The following JAG1 variants were observed in gnomAD, a reference collection of about 807,000 sequenced individuals.
JAG1 encodes protein jagged-1.
Under a neutral mutation model 148.7 loss-of-function variants are expected in JAG1, and 23 were observed. That is an observed-to-expected ratio of 0.15 (90% confidence interval 0.11 to 0.22). The LOEUF is 0.22. Among genes scored for constraint, JAG1 ranks in the 10% least tolerant of loss-of-function variants. JAG1 has a pLI of 1.00. For missense variants in JAG1, 1,054 were observed against 1,611.2 expected, an observed-to-expected ratio of 0.65 and a Z score of 5.92; for synonymous variants, 572 against 598.3, an observed-to-expected ratio of 0.96 and a Z score of 0.64.
chr20:10,642,866 A>C (rs1600180074), intron 20 of JAG1, among the ~76,000 whole-genome samples: 1 of 152,338 alleles, frequency 6.6e-6, no homozygotes, highest in East Asian at 1.9e-4. Flanking sequence ...TTGACAGTGC[A>C]ATTTACAGCA....
chr20:10,665,739 C>T (rs150014918), intron 2 of JAG1, among the ~76,000 whole-genome samples: 354 of 152,204 alleles, frequency 2.3e-3, no homozygotes, highest in Non-Finnish European at 3.4e-3. Flanking sequence ...GCATTGATAC[C>T]AGGAGTTTTG....
rs544485171 is a variant in JAG1 at position 10,652,281 on chromosome 20, A to G, written c.887-31T>C. The G allele has an allele frequency of 3.1e-6, 5 of 1,613,332 alleles. No homozygotes were observed. The African/African-American group carries it at 6.7e-5, about 22-fold the overall frequency. On this transcript the variant is annotated intron_variant, in intron 6 of 25. Transcript: ENST00000254958. ...AAAAAGATCCTGGAGTCACTAAGAGACGCCTGTGAAGATGGCGAACCCACC... is the reference window on the plus strand; with the variant it reads ...AAAAAGATCCTGGAGTCACTAAGAGGCGCCTGTGAAGATGGCGAACCCACC...
chr20:10,673,165 G>GAAAA lies in JAG1; in HGVS notation c.82-160_82-159insTTTT. 1 of 585,086 alleles carries GAAAA rather than the reference G, an allele frequency of 1.7e-6. No homozygotes were observed. The highest frequency in any genetic ancestry group is 2.8e-6 in the Non-Finnish European group (1 of 352,752). 36.2% of individuals were successfully genotyped at this position (585,086 alleles called of 1,614,324 possible). On this transcript the variant is annotated intron_variant, in intron 1 of 25. Coordinates refer to ENST00000254958, the MANE Select transcript of JAG1 (RefSeq NM_000214.3). This position sits in a 1 kb window ranked among gnomAD's most constrained non-coding sequence, Gnocchi z 4.7. ...TTCAAGGACTCAACATGATTCCGGG[G>GAAAA]CAAAAAAAAAAAAAAATGCACGAGT...
chr20:10,639,408 A>C lies in JAG1; in HGVS notation c.*90T>G. ...TAAATTAACACAGGGATTCTAAGTC[A>C]GCAACGGCCTCAGACTCGAGTATGA... On this transcript the variant is annotated 3_prime_UTR_variant, in exon 26 of 26. Transcript: ENST00000254958. The C allele has an allele frequency of 8.6e-7, 1 of 1,158,772 alleles. No homozygotes were observed. Among genetic ancestry groups the C allele is most frequent in the South Asian group, 1.2e-5 (1 of 81,410 alleles). The allele number at this position is 1,158,772 out of a possible 1,614,324, so 71.8% of individuals were successfully genotyped here.
At chr20:10,650,887 T>C (rs1219980779) in intron 8 of JAG1, 1 of 166,246 alleles carries the variant, frequency 6.0e-6, no homozygotes, top group Non-Finnish European at 1.3e-5. Flanking sequence ...AGATGGGAAT[T>C]GCTACTGTGC....
chr20:10,673,139 G>T lies in JAG1; in HGVS notation c.82-133C>A. On this transcript the variant is annotated intron_variant, in intron 1 of 25. Transcript: ENST00000254958. The surrounding 1 kb of genome is among the most constrained non-coding windows in gnomAD (Gnocchi z 4.7). ...AGTGAAAATAATTTTGCGAAACTAC[G>T]TTCAAGGACTCAACATGATTCCGGG... The T allele has an allele frequency of 1.3e-6, 1 of 798,418 alleles. No individual in the cohort carries two copies. 49.5% of individuals were successfully genotyped at this position (798,418 alleles called of 1,614,324 possible).
intron 3 of JAG1, among the ~76,000 whole-genome samples, chr20:10,662,957 AC>A (rs2067427239): frequency 6.6e-6 from 1 of 152,236 alleles, no homozygotes; most frequent in Non-Finnish European, 1.5e-5. Flanking sequence ...TAAGCCAGCC[AC>A]AGGTGGAAGC....
intron 21 of JAG1, 44 bp from the exon 22 acceptor site, chr20:10,641,936 G>A (rs746081549): frequency 3.8e-5 from 49 of 1,285,924 alleles, no homozygotes; most frequent in South Asian, 3.8e-4. Context: ...TCTGTGAACC[G>A]GATCGGGGTT....
chr20:10,646,871 C>T, intron 14 of JAG1, 68 bp downstream of exon 14: 1 of 1,490,180 alleles, frequency 6.7e-7, no homozygotes, highest in Non-Finnish European at 9.4e-7. Flanking sequence ...CAGGGTGGGC[C>T]AGGGGCAGAG....
Position 10,673,206 on chromosome 20 carries a change from C to A in JAG1, c.82-200G>T, listed in dbSNP as rs1390084935. On this transcript the variant is annotated intron_variant, in intron 1 of 25. Transcript: ENST00000254958. This position sits in a 1 kb window ranked among gnomAD's most constrained non-coding sequence, Gnocchi z 4.7. ...ATGCACGAGTGCGGAAGAAATCCGA[C>A]GACTTCCCGGGGGGCAACAGCGGAG... Among the ~76,000 whole-genome samples the A allele has an allele frequency of 6.6e-6, 1 of 150,850 alleles. No homozygotes were observed. Among genetic ancestry groups the A allele is most frequent in the Non-Finnish European group, 1.5e-5 (1 of 67,852 alleles).
intron 4 of JAG1, among the ~76,000 whole-genome samples, chr20:10,657,938 T>A (rs2067389152): frequency 6.6e-6 from 1 of 152,124 alleles, no homozygotes; most frequent in Non-Finnish European, 1.5e-5. Context: ...CCTGTCTGGA[T>A]CTATTTTGGG....
intron 14 of JAG1, chr20:10,646,331 G>A: frequency 5.9e-6 from 3 of 505,958 alleles, no homozygotes; most frequent in South Asian, 4.1e-5. Flanking sequence ...AAGTGGGGAA[G>A]AAACTCCTAC....
chr20:10,645,586 G>T lies in JAG1; in HGVS notation c.2000-117C>A. The T allele has an allele frequency of 2.4e-6, 2 of 825,422 alleles. No homozygotes were observed. The highest frequency in any genetic ancestry group is 4.1e-6 in the Non-Finnish European group (2 of 489,208). 51.1% of individuals were successfully genotyped at this position (825,422 alleles called of 1,614,324 possible). A position where few individuals can be genotyped will look rare whatever the true frequency, so the allele number is the denominator to read the frequency against. On this transcript the variant is annotated intron_variant, in intron 15 of 25. Coordinates refer to ENST00000254958, the MANE Select transcript of JAG1 (RefSeq NM_000214.3). The surrounding 1 kb of genome is among the most constrained non-coding windows in gnomAD (Gnocchi z 6.1). ...ACATCCTATTCTGAGAACAGCCACA[G>T]TCGTAGTACTTTAACACAATCAGGC...
At chr20:10,647,463 C>T (rs2067316996) in intron 13 of JAG1, among the ~76,000 whole-genome samples, 1 of 152,258 alleles carries the variant, frequency 6.6e-6, no homozygotes. Flanking sequence ...CAAGGACAAT[C>T]TTATAGAAGC....
intron 21 of JAG1, 139 bp downstream of exon 21, chr20:10,642,349 T>G (rs1287078441): frequency 2.9e-6 from 2 of 698,918 alleles, no homozygotes; most frequent in African/African-American, 3.5e-5. Flanking sequence ...GGAAGACTCT[T>G]CACGTTCCCT....
intron 24 of JAG1, 32 bp from the exon 25 acceptor site, chr20:10,640,965 G>A: frequency 2.5e-6 from 4 of 1,613,658 alleles, no homozygotes; most frequent in Non-Finnish European, 3.4e-6. Flanking sequence ...TTGAGAGTCA[G>A]AGGAATACTC....
rs1176258300 is a variant in JAG1 at position 10,639,932 on chromosome 20, A to G, written c.3223T>C (p.Ser1075Pro). The G allele has an allele frequency of 6.2e-7, 1 of 1,614,210 alleles. No individual in the cohort carries two copies. Among genetic ancestry groups the G allele is most frequent in the Non-Finnish European group, 8.5e-7 (1 of 1,180,026 alleles). Residue 1075 changes from serine (S) to proline (P), a missense_variant, in exon 26 of 26, where the codon TCT becomes CCT. By Grantham distance (74) the Ser-to-Pro change is moderately conservative (BLOSUM62 -1). Transcript: ENST00000254958. The part of the protein sequence containing the change: ...RTDFLVPLLS[S>P]VLTVAWICCL... The stretch of plus-strand genomic sequence containing the variant: ...CAGATCCAAGCCACAGTTAAGACAG[A>G]GCTCAGCAAGGGAACAAGGAAATCT...
chr20:10,666,857 C>T (rs1395158868), intron 2 of JAG1, among the ~76,000 whole-genome samples: 2 of 152,194 alleles, frequency 1.3e-5, no homozygotes, highest in African/African-American at 2.4e-5. Flanking sequence ...AGAGTCCTGG[C>T]ATCAAAGCCC....
In JAG1 at chr20:10,640,815, C is replaced by A; in HGVS notation, c.3167G>T (p.Arg1056Ile). The A allele has an allele frequency of 1.9e-6, 3 of 1,614,214 alleles. No homozygotes were observed. The highest frequency in any genetic ancestry group is 2.5e-6 in the Non-Finnish European group (3 of 1,180,044). Residue 1056 changes from arginine (R) to isoleucine (I), a missense_variant, in exon 25 of 26, where the codon AGA becomes ATA. Physicochemically the swap from Arg to Ile is moderately conservative, Grantham distance 97 (BLOSUM62 -3). Coordinates refer to ENST00000254958, the MANE Select transcript of JAG1 (RefSeq NM_000214.3). Reference sequence around the variant, plus strand: ...GTTCTTCAGAGGCCGCCTCTGAACTCTTACTTCTGCAACGGCAGCAATCAG... The same window carrying A: ...GTTCTTCAGAGGCCGCCTCTGAACTATTACTTCTGCAACGGCAGCAATCAG... ...SSLIAAVAEV[R>I]VQRRPLKNRT...
Sources: gnomAD v4.1 joint callset for allele counts (sites outside exome capture counted in the v4.1 genomes callset) on GRCh38, gnomAD v4.1.1 for gene constraint, Gnocchi (gnomAD v3.1) non-coding constraint, MANE v1.5 for transcripts, NCBI Gene and HGNC (gene_info 2026-07-23, HGNC 2026-07-21) for gene names.